Variants in TNFSF4 observed in about 807,000 individuals in gnomAD.
The protein encoded by TNFSF4 is tumor necrosis factor ligand superfamily member 4.
A neutral mutation model predicts 7.3 loss-of-function variants in TNFSF4; 4 were observed. That is an observed-to-expected ratio of 0.55 (90% CI 0.27 to 1.25). The LOEUF (loss-of-function observed/expected upper bound fraction) is 1.25, where lower values mean the gene tolerates loss of function less well. Ranked by LOEUF, TNFSF4 falls within the 50% of genes most tolerant of loss-of-function variation. TNFSF4 has a pLI of 0.12. For missense variants in TNFSF4, 181 were observed against 208.8 expected (o/e 0.87, Z 0.82); for synonymous variants, 76 against 83.7 (o/e 0.91, Z 0.50).
intron 1 of TNFSF4, among the ~76,000 whole-genome samples, chr1:173,194,429 A>G (rs7518129): frequency 0.46 from 69,763 of 152,118 alleles, 19,519 homozygotes; most frequent in African/African-American, 0.79. Context: ...AAGTCATAAC[A>G]TTTCAAAGAA....
the TNFSF4 span, among the ~76,000 whole-genome samples, chr1:173,427,957 T>TC: frequency 6.6e-6 from 1 of 150,486 alleles, no homozygotes; most frequent in Admixed American, 6.6e-5. Flanking sequence ...TATAATCTTT[T>TC]TTTTTTTTTT....
the TNFSF4 span, among the ~76,000 whole-genome samples, chr1:173,255,021 G>T: frequency 5.9e-5 from 9 of 152,256 alleles, no homozygotes; most frequent in East Asian, 1.7e-3. Flanking sequence ...TAGAGATTCT[G>T]AATTAGTGGT....
At chr1:173,305,954 A>G in the TNFSF4 span, among the ~76,000 whole-genome samples, 2 of 151,944 alleles carry the variant, frequency 1.3e-5, no homozygotes, top group African/African-American at 2.4e-5. Context: ...CCAGAGAGCC[A>G]AACCACATCA....
the TNFSF4 span, among the ~76,000 whole-genome samples, chr1:173,248,530 G>C: frequency 6.6e-6 from 1 of 150,652 alleles, no homozygotes; most frequent in Non-Finnish European, 1.5e-5. Flanking sequence ...AGGAAGGAAG[G>C]AGAAAAGAAA....
At chr1:173,373,133 A>G in the TNFSF4 span, among the ~76,000 whole-genome samples, 447 of 152,382 alleles carry the variant, frequency 2.9e-3, 2 homozygotes, top group African/African-American at 0.01. Context: ...ATGCTGCAAT[A>G]TGGAAAGAAA....
the TNFSF4 span, among the ~76,000 whole-genome samples, chr1:173,449,517 C>A: frequency 6.6e-6 from 1 of 151,984 alleles, no homozygotes; most frequent in Admixed American, 6.6e-5. Context: ...CCACACCCAG[C>A]TAATTTTTTA....
chr1:173,204,752 C>A (rs576481597), intron 1 of TNFSF4, among the ~76,000 whole-genome samples: 16 of 152,204 alleles, frequency 1.1e-4, no homozygotes, highest in African/African-American at 3.9e-4. Flanking sequence ...CCACCACCAC[C>A]ACCACCCGAT....
At chr1:173,398,706 A>G in the TNFSF4 span, among the ~76,000 whole-genome samples, 7,140 of 152,144 alleles carry the variant, frequency 0.047, 549 homozygotes, top group African/African-American at 0.16. Flanking sequence ...GATTACAGGC[A>G]TGAGCCACCG....
chr1:173,353,686 C>T, the TNFSF4 span, among the ~76,000 whole-genome samples: 5 of 152,266 alleles, frequency 3.3e-5, no homozygotes, highest in East Asian at 7.7e-4. Context: ...TCAACCACTG[C>T]TCATCAGTTT....
At chr1:173,335,392 C>T in the TNFSF4 span, among the ~76,000 whole-genome samples, 2 of 152,056 alleles carry the variant, frequency 1.3e-5, no homozygotes, top group African/African-American at 2.4e-5. Context: ...CACTCTTCTC[C>T]GTAGGGGCCA....
chr1:173,330,885 CTTT>C, the TNFSF4 span, among the ~76,000 whole-genome samples: 718 of 138,404 alleles, frequency 5.2e-3, 6 homozygotes, highest in African/African-American at 0.016. Flanking sequence ...CTTTTCTTAT[CTTT>C]TTTTTTTTTT....
chr1:173,238,133 A>C, the TNFSF4 span, among the ~76,000 whole-genome samples: 3 of 152,208 alleles, frequency 2.0e-5, no homozygotes, highest in Non-Finnish European at 4.4e-5. Flanking sequence ...TCTTTGACAA[A>C]GGTGACAAAA....
At chr1:173,333,171 C>G in the TNFSF4 span, among the ~76,000 whole-genome samples, 1 of 152,136 alleles carries the variant, frequency 6.6e-6, no homozygotes, top group Non-Finnish European at 1.5e-5. Context: ...TTCAATATGA[C>G]TTGACACAGG....
chr1:173,326,658 C>T, the TNFSF4 span, among the ~76,000 whole-genome samples: 2 of 152,172 alleles, frequency 1.3e-5, no homozygotes, highest in Non-Finnish European at 1.5e-5. Flanking sequence ...TGATAAGCAA[C>T]TTCAGCAAAG....
the TNFSF4 span, chr1:173,352,072 G>T: frequency 3.3e-6 from 1 of 304,026 alleles, no homozygotes; most frequent in Non-Finnish European, 6.0e-6. Context: ...ATATACTCAT[G>T]GTGGCCATTG....
At chr1:173,173,601 G>T in the TNFSF4 span, among the ~76,000 whole-genome samples, 1 of 152,226 alleles carries the variant, frequency 6.6e-6, no homozygotes, top group African/African-American at 2.4e-5. Flanking sequence ...AATCTAGGCA[G>T]AGGTACCCAA....
At chr1:173,351,971 C>A in the TNFSF4 span, 1 of 500,296 alleles carries the variant, frequency 2.0e-6, no homozygotes, top group Non-Finnish European at 3.6e-6. Context: ...AGGAAAAGGG[C>A]AAATACAAGG....
At chr1:173,201,690 G>A (rs1164358841) in intron 1 of TNFSF4, among the ~76,000 whole-genome samples, 1 of 152,084 alleles carries the variant, frequency 6.6e-6, no homozygotes, top group Non-Finnish European at 1.5e-5. Flanking sequence ...ACTTCAATGA[G>A]TCCTCCAAAA....
the TNFSF4 span, among the ~76,000 whole-genome samples, chr1:173,413,222 C>G: frequency 2.6e-5 from 4 of 152,178 alleles, no homozygotes; most frequent in Admixed American, 2.6e-4. Flanking sequence ...GACAGAGACA[C>G]AGAGACAGAG....
Sources: gnomAD v4.1 joint callset for allele counts (sites outside exome capture counted in the v4.1 genomes callset) on GRCh38, gnomAD v4.1.1 for gene constraint, MANE v1.5 for transcripts, NCBI Gene and HGNC (gene_info 2026-07-23, HGNC 2026-07-21) for gene names.